KDM2A: variants seen among roughly 807,000 people sequenced by gnomAD.
KDM2A encodes the protein lysine demethylase 2A, also known as lysine-specific demethylase 2A.
KDM2A carries 3 observed loss-of-function variants against 137.3 expected under a neutral mutation model. The observed-to-expected ratio is 0.02, with a 90% CI of 0.01 to 0.06. KDM2A has a LOEUF of 0.06. KDM2A is among the 10% of genes least tolerant of loss of function. KDM2A has a pLI of 1.00. For synonymous variants in KDM2A, 512 were observed against 541.5 expected (o/e 0.95, Z 0.76); for missense variants, 738 against 1,510.6 (o/e 0.49, Z 8.48).
chr11:67,158,823 A>G (rs937873220), intron 2 of KDM2A, among the ~76,000 whole-genome samples: 3 of 152,074 alleles, frequency 2.0e-5, no homozygotes, highest in South Asian at 2.1e-4. Context: ...TGTCATCTGT[A>G]TATCTTCTCT....
chr11:67,215,032 T>C (rs1433774063), intron 6 of KDM2A, among the ~76,000 whole-genome samples: 1 of 152,170 alleles, frequency 6.6e-6, no homozygotes, highest in Non-Finnish European at 1.5e-5. Flanking sequence ...ACAAATTATA[T>C]AAGTATTGAC....
intron 2 of KDM2A, among the ~76,000 whole-genome samples, chr11:67,175,361 C>T (rs1407497221): frequency 6.6e-6 from 1 of 152,130 alleles, no homozygotes; most frequent in Non-Finnish European, 1.5e-5. Context: ...CCCAGGAGGT[C>T]AAGGGTCAAG....
At chr11:67,249,997 C>T (rs1024559223) in intron 16 of KDM2A, 89 bp from the exon 17 acceptor site, 9 of 1,065,456 alleles carry the variant, frequency 8.4e-6, no homozygotes, top group Non-Finnish European at 1.2e-5. Flanking sequence ...CTCTCTGGTC[C>T]CCTGAGAGCA....
intron 6 of KDM2A, among the ~76,000 whole-genome samples, chr11:67,210,623 G>A (rs1473435433): frequency 6.6e-6 from 1 of 152,162 alleles, no homozygotes; most frequent in African/African-American, 2.4e-5. Context: ...ATTATTAAGA[G>A]AGCAGAGGCC....
At chr11:67,127,304 CTGCTCAGGCTGGTCTGGTTTTTTT>C (rs748193026) in intron 2 of KDM2A, among the ~76,000 whole-genome samples, 9 of 152,104 alleles carry the variant, frequency 5.9e-5, no homozygotes, top group African/African-American at 9.6e-5. Flanking sequence ...CCTGTTCGGG[CTGCTCAGGCTGGTCTGGTTTTTTT>C]TGCTCAGTCT....
intron 2 of KDM2A, among the ~76,000 whole-genome samples, chr11:67,152,443 AAAAAT>A (rs1210649110): frequency 5.9e-5 from 9 of 151,512 alleles, no homozygotes; most frequent in Admixed American, 2.6e-4. Context: ...CATCTCTACA[AAAAAT>A]AAAATAAAAA....
rs1186677668 is a variant in KDM2A at position 67,254,958 on chromosome 11, A to G, written c.3392A>G (p.Gln1131Arg). 6.2e-7 allele frequency: 1 copy of G among 1,613,944 alleles called. No homozygotes were observed. The highest frequency in any genetic ancestry group is 8.5e-7 in the Non-Finnish European group (1 of 1,179,854). ...VTLIDLRGCK[Q>R]ITRKACEHFI... ...TTGATCGACCTTCGAGGATGCAAGC[A>G]GATCACTCGAAAAGCCTGCGAGCAC... Residue 1131 changes from glutamine to arginine, a missense_variant, in exon 21 of 21, where the codon CAG becomes CGG. Gln to Arg is a conservative substitution (Grantham distance 43). This residue lies in a region of KDM2A where 166 missense variants were observed against 324.0 expected (regional missense o/e 0.51). Coordinates refer to ENST00000529006, the MANE Select transcript of KDM2A (RefSeq NM_012308.3). This position sits in a 1 kb window ranked among gnomAD's most constrained non-coding sequence, Gnocchi z 4.7.
chr11:67,221,790 C>T (rs1448295174), intron 10 of KDM2A, among the ~76,000 whole-genome samples: 6 of 151,926 alleles, frequency 3.9e-5, no homozygotes, highest in African/African-American at 1.2e-4. Context: ...GGCAACAAAG[C>T]CGGGTGTGGT....
intron 8 of KDM2A, among the ~76,000 whole-genome samples, 164 bp downstream of exon 8, chr11:67,216,113 C>G (rs1383669641): frequency 6.6e-6 from 1 of 152,210 alleles, no homozygotes; most frequent in Non-Finnish European, 1.5e-5. Flanking sequence ...GGCTAGTGTT[C>G]AGTAGAAATT....
intron 9 of KDM2A, 29 bp downstream of exon 9, chr11:67,217,913 T>C: frequency 6.5e-7 from 1 of 1,546,382 alleles, no homozygotes; most frequent in Non-Finnish European, 8.7e-7. Context: ...GTGGGTTATT[T>C]AGCCATTTTT....
intron 2 of KDM2A, among the ~76,000 whole-genome samples, chr11:67,156,444 C>G (rs1048653541): frequency 6.6e-6 from 1 of 151,498 alleles, no homozygotes; most frequent in Non-Finnish European, 1.5e-5. Context: ...TTAGGCCAGG[C>G]GCGGTGGCTC....
intron 5 of KDM2A, among the ~76,000 whole-genome samples, chr11:67,184,501 G>A (rs928255221): frequency 7.2e-5 from 11 of 152,102 alleles, no homozygotes; most frequent in African/African-American, 2.7e-4. Context: ...GGTGGTGGGC[G>A]CCTGTAATCC....
intron 12 of KDM2A, among the ~76,000 whole-genome samples, chr11:67,236,122 G>C (rs892348134): frequency 6.6e-6 from 1 of 151,928 alleles, no homozygotes; most frequent in Admixed American, 6.5e-5. Context: ...TAGTCAACTG[G>C]AAGAATTTGT....
intron 2 of KDM2A, among the ~76,000 whole-genome samples, chr11:67,122,833 G>A (rs1330290977): frequency 6.6e-6 from 1 of 151,466 alleles, no homozygotes; most frequent in African/African-American, 2.4e-5. Context: ...CCACCACTAC[G>A]CCCAGCTAAT....
chr11:67,187,423 A>C (rs1005151118), intron 5 of KDM2A, among the ~76,000 whole-genome samples: 7 of 152,186 alleles, frequency 4.6e-5, no homozygotes, highest in Non-Finnish European at 7.3e-5. Context: ...TAAAGATCCA[A>C]AAGACAGAAA....
At chr11:67,122,072 AAG>A (rs1855609868) in intron 2 of KDM2A, among the ~76,000 whole-genome samples, 1 of 152,202 alleles carries the variant, frequency 6.6e-6, no homozygotes, top group South Asian at 2.1e-4. Flanking sequence ...TTCTTAGCCA[AAG>A]AGAGCTTTAT....
chr11:67,255,489 G>GGT lies in KDM2A; in HGVS notation c.*437_*438dup. 2.2e-6 allele frequency: 1 copy of GGT among 456,024 alleles called. No individual in the cohort carries two copies. The highest frequency in any genetic ancestry group is 1.6e-5 in the South Asian group (1 of 64,368). 28.2% of individuals were successfully genotyped at this position (456,024 alleles called of 1,614,324 possible). ...CCTGTCTCCATGGCCAGGTTCTTGT[G>GGT]GTGTCCAGTGCGCGTCTCTCCTCCA... On this transcript the variant is annotated 3_prime_UTR_variant, in exon 21 of 21. Transcript: ENST00000529006.
intron 2 of KDM2A, among the ~76,000 whole-genome samples, chr11:67,143,883 C>T (rs1010810644): frequency 3.3e-5 from 5 of 152,028 alleles, no homozygotes; most frequent in Admixed American, 6.6e-5. Flanking sequence ...CCGCCTGCGT[C>T]GGCCTCCCAA....
At chr11:67,165,124 CT>C (rs904019221) in intron 2 of KDM2A, among the ~76,000 whole-genome samples, 237 of 142,728 alleles carry the variant, frequency 1.7e-3, no homozygotes, top group Non-Finnish European at 1.7e-3. Flanking sequence ...AGAATACCAA[CT>C]TTTTTTTTTT....
Sources: allele counts gnomAD v4.1 joint callset (sites outside exome capture counted in the v4.1 genomes callset), GRCh38; gene constraint gnomAD v4.1.1; regional missense constraint gnomAD v4.1.1; non-coding constraint Gnocchi (gnomAD v3.1); transcripts MANE v1.5; gene names NCBI Gene and HGNC (gene_info 2026-07-23, HGNC 2026-07-21).